CLSTN2: variants seen among roughly 807,000 people sequenced by gnomAD.
CLSTN2 encodes the protein calsyntenin 2.
In CLSTN2, 48 loss-of-function variants were observed where a neutral mutation model predicts 101.2. That is an observed-to-expected ratio of 0.47 (90% CI 0.38 to 0.60). The LOEUF (loss-of-function observed/expected upper bound fraction) is 0.60, where lower values mean the gene tolerates loss of function less well. Ranked by LOEUF, CLSTN2 falls within the 20% of genes least tolerant of loss-of-function variation. The probability of loss-of-function intolerance (pLI) is 0.00; values close to 1 mark genes in which losing one functional copy is unlikely to be tolerated. For synonymous variants in CLSTN2, 481 were observed against 463.6 expected, an observed-to-expected ratio of 1.04 and a Z score of -0.48; for missense variants, 1,160 against 1,238.2, an observed-to-expected ratio of 0.94 and a Z score of 0.95.
chr3:140,368,932 A>C (rs2087822484), intron 2 of CLSTN2, among the ~76,000 whole-genome samples: 1 of 152,196 alleles, frequency 6.6e-6, no homozygotes, highest in Non-Finnish European at 1.5e-5. Flanking sequence ...CTTTAAAATG[A>C]AAGCATCTGG....
At chr3:140,399,993 G>A (rs1379002945) in intron 2 of CLSTN2, among the ~76,000 whole-genome samples, 1 of 151,434 alleles carries the variant, frequency 6.6e-6, no homozygotes, top group Non-Finnish European at 1.5e-5. Flanking sequence ...TGAGTCGTCT[G>A]ATCTTCCCTT....
At position 140,573,026 on chromosome 3, in the gene CLSTN2, A is replaced by G. The variant is rs1055945088; in HGVS notation, c.*6773A>G. The G allele has an allele frequency of 6.6e-6, 1 of 152,278 alleles. No individual in the cohort carries two copies. Among genetic ancestry groups the G allele is most frequent in the Non-Finnish European group, 1.5e-5 (1 of 68,114 alleles). 9.4% of individuals were successfully genotyped at this position (152,278 alleles called of 1,614,324 possible). ...TCTATCCTAGAGAGAGAGACTGCCC[A>G]GGAGAGGCTGCCATGAGGTCACTCA... On this transcript the variant is annotated 3_prime_UTR_variant, in exon 17 of 17. Transcript: ENST00000458420.
At chr3:140,156,086 C>T (rs1165691822) in intron 1 of CLSTN2, among the ~76,000 whole-genome samples, 4 of 152,060 alleles carry the variant, frequency 2.6e-5, no homozygotes, top group African/African-American at 9.7e-5. Flanking sequence ...CATTTCTTTC[C>T]TCCCTCATCC....
At chr3:140,296,807 T>A (rs1387441558) in intron 2 of CLSTN2, among the ~76,000 whole-genome samples, 1 of 152,212 alleles carries the variant, frequency 6.6e-6, no homozygotes, top group Non-Finnish European at 1.5e-5. Flanking sequence ...TTCTGTTAGT[T>A]CCTCATAACC....
intron 5 of CLSTN2, among the ~76,000 whole-genome samples, chr3:140,440,958 A>T (rs537500398): frequency 6.6e-6 from 1 of 152,316 alleles, no homozygotes; most frequent in Admixed American, 6.5e-5. Flanking sequence ...AGAGCATTAA[A>T]CCAAGATGGG....
At position 140,566,247 on chromosome 3, in the gene CLSTN2, C is replaced by A; in HGVS notation, c.2862C>A (p.Pro954=). The A allele has an allele frequency of 6.4e-7, 1 of 1,564,068 alleles. No individual in the cohort carries two copies. Among genetic ancestry groups the A allele is most frequent in the East Asian group, 2.4e-5 (1 of 42,272 alleles). Residue 954 remains proline (P), a synonymous_variant, in exon 17 of 17, where the codon CCC becomes CCA. Coordinates refer to ENST00000458420, the MANE Select transcript of CLSTN2 (RefSeq NM_022131.3). ...AQLEWDDSTL[P]Y The stretch of plus-strand genomic sequence containing the variant: ...TGGAGTGGGATGACTCCACCCTCCC[C>A]TACTAGTGCCCAGGGGTCTGCTGCC...
intron 2 of CLSTN2, among the ~76,000 whole-genome samples, chr3:140,257,814 T>C (rs1464592391): frequency 6.6e-6 from 1 of 152,150 alleles, no homozygotes; most frequent in Non-Finnish European, 1.5e-5. Context: ...AATGGCATTG[T>C]CATGATTTTT....
chr3:140,285,006 A>C (rs1347038045), intron 2 of CLSTN2, among the ~76,000 whole-genome samples: 1 of 152,088 alleles, frequency 6.6e-6, no homozygotes, highest in Non-Finnish European at 1.5e-5. Flanking sequence ...TGGGTGACTG[A>C]GTAGAGTAAA....
At chr3:140,394,442 G>A (rs1304583236) in intron 2 of CLSTN2, among the ~76,000 whole-genome samples, 1 of 152,184 alleles carries the variant, frequency 6.6e-6, no homozygotes, top group African/African-American at 2.4e-5. Context: ...CCTTGTCTCA[G>A]CAGAATCAGT....
At chr3:140,209,973 T>C (rs1012088158) in intron 2 of CLSTN2, among the ~76,000 whole-genome samples, 1 of 152,218 alleles carries the variant, frequency 6.6e-6, no homozygotes, top group Non-Finnish European at 1.5e-5. Flanking sequence ...CTCATATTTA[T>C]TGGGCTCCTG....
chr3:140,311,287 C>CTT lies in CLSTN2; in HGVS notation c.233-92307_233-92306dup, dbSNP rs750088450. Among the ~76,000 whole-genome samples, 210 of 52,082 alleles carry CTT rather than the reference C, an allele frequency of 4.0e-3. 53 individuals are homozygous for CTT. Among genetic ancestry groups the CTT allele is most frequent in the African/African-American group, 5.1e-3 (54 of 10,624 alleles). The allele number at this position is 52,082 out of a possible 152,430, so 34.2% of individuals were successfully genotyped here. The stretch of plus-strand genomic sequence containing the variant: ...ATAATAACAGCTAAGGTTTATTATC[C>CTT]TTTTTTTTTTTTTTTTTTTTTTTTT... On this transcript the variant is annotated intron_variant, in intron 2 of 16. Coordinates refer to ENST00000458420, the MANE Select transcript of CLSTN2 (RefSeq NM_022131.3).
intron 1 of CLSTN2, among the ~76,000 whole-genome samples, chr3:140,117,878 C>T (rs184575086): frequency 3.9e-5 from 6 of 152,302 alleles, no homozygotes; most frequent in Non-Finnish European, 8.8e-5. Flanking sequence ...TTCAGTCCTT[C>T]GTCTCTAGGT....
intron 8 of CLSTN2, among the ~76,000 whole-genome samples, chr3:140,521,131 C>T (rs965301563): frequency 6.7e-6 from 1 of 149,610 alleles, no homozygotes; most frequent in Non-Finnish European, 1.5e-5. Flanking sequence ...CTGATGCCTA[C>T]TTCTATCAGT....
rs72981079 is a variant in CLSTN2, at chr3:140,403,621, T to G, written c.233-8T>G. The G allele has an allele frequency of 2.6e-3, 4,167 of 1,600,578 alleles. 87 individuals carry two copies. The African/African-American group carries it at 0.046, about 18-fold the overall frequency. On this transcript the variant is annotated splice_region_variant and splice_polypyrimidine_tract_variant and intron_variant, in intron 2 of 16. Transcript: ENST00000458420. ...GATTCCCACTCACTGTTTTCCATCC[T>G]TCTGCAGGGGAAATCTGTGCGTTCA...
At chr3:140,508,958 T>C (rs569765014) in intron 8 of CLSTN2, among the ~76,000 whole-genome samples, 1 of 151,766 alleles carries the variant, frequency 6.6e-6, no homozygotes, top group African/African-American at 2.4e-5. Flanking sequence ...GTCCTCATGC[T>C]CAAAATAAGA....
chr3:140,272,699 C>G (rs1214126435), intron 2 of CLSTN2, among the ~76,000 whole-genome samples: 1 of 152,152 alleles, frequency 6.6e-6, no homozygotes, highest in Admixed American at 6.5e-5. Context: ...TTGCAGTGAG[C>G]CGAGTTTGTG....
intron 2 of CLSTN2, among the ~76,000 whole-genome samples, chr3:140,226,579 A>G (rs748517036): frequency 6.6e-6 from 1 of 152,204 alleles, no homozygotes; most frequent in Admixed American, 6.5e-5. Flanking sequence ...GAAATTTTTT[A>G]TAATAAAATG....
At chr3:140,266,674 T>A (rs1324493243) in intron 2 of CLSTN2, among the ~76,000 whole-genome samples, 2 of 152,216 alleles carry the variant, frequency 1.3e-5, no homozygotes, top group Non-Finnish European at 2.9e-5. Flanking sequence ...TTCATCCACC[T>A]TGTCTATGCC....
chr3:140,061,869 A>G lies in CLSTN2; in HGVS notation c.110-114082A>G, dbSNP rs58954050. Reference sequence around the variant, plus strand: ...TCTTCAAGAGTTAGCTAAAAGGTCAATTCTTCTAGGTGCTACAGAAGCCTG... The same window carrying G: ...TCTTCAAGAGTTAGCTAAAAGGTCAGTTCTTCTAGGTGCTACAGAAGCCTG... On this transcript the variant is annotated intron_variant, in intron 1 of 16. Coordinates refer to ENST00000458420, the MANE Select transcript of CLSTN2 (RefSeq NM_022131.3). Among the ~76,000 whole-genome samples the G allele has an allele frequency of 2.3e-3, 355 of 152,308 alleles. 3 individuals carry two copies. The highest frequency in any genetic ancestry group is 8.3e-3 in the African/African-American group (344 of 41,572).
Sources: allele counts gnomAD v4.1 joint callset (sites outside exome capture counted in the v4.1 genomes callset), GRCh38; gene constraint gnomAD v4.1.1; transcripts MANE v1.5; gene names NCBI Gene and HGNC (gene_info 2026-07-23, HGNC 2026-07-21).